The following JAK2 variants were observed in gnomAD, a reference collection of about 807,000 sequenced individuals.
The protein encoded by JAK2 is tyrosine-protein kinase JAK2.
Under a neutral mutation model 139.3 loss-of-function variants are expected in JAK2, and 86 were observed. The ratio of observed to expected loss-of-function variants is 0.62; its 90% CI spans 0.52 to 0.74. JAK2 has a LOEUF of 0.74. JAK2 is among the 30% of genes least tolerant of loss of function. The probability of loss-of-function intolerance (pLI) is 0.00; values close to 1 mark genes in which losing one functional copy is unlikely to be tolerated. For synonymous variants in JAK2, 490 were observed against 437.7 expected, an observed-to-expected ratio of 1.12 and a Z score of -1.49; for missense variants, 1,421 against 1,360.3, an observed-to-expected ratio of 1.04 and a Z score of -0.70.
intron 19 of JAK2, chr9:5,085,495 G>T: frequency 1.4e-6 from 1 of 720,190 alleles, no homozygotes; most frequent in South Asian, 1.4e-5. Context: ...ATTTTCTTTT[G>T]ACCCGAGCTG....
chr9:5,053,103 A>G (rs1817535274), intron 6 of JAK2, among the ~76,000 whole-genome samples: 1 of 152,090 alleles, frequency 6.6e-6, no homozygotes, highest in African/African-American at 2.4e-5. Flanking sequence ...CATTACATTC[A>G]CACTAGCAGT....
At chr9:5,100,143 A>C (rs923815669) in intron 22 of JAK2, 1 of 152,188 alleles carries the variant, frequency 6.6e-6, no homozygotes, top group Non-Finnish European at 1.5e-5. Flanking sequence ...TTATTATTCT[A>C]ATCCTACTGA....
At chr9:5,016,829 G>A (rs1316519469) in intron 2 of JAK2, among the ~76,000 whole-genome samples, 1 of 152,180 alleles carries the variant, frequency 6.6e-6, no homozygotes, top group African/African-American at 2.4e-5. Context: ...GGATATGGAA[G>A]TGAGCTTGAG....
chr9:5,054,514 C>G lies in JAK2; in HGVS notation c.615-49C>G. 2.8e-6 allele frequency: 4 copies of G among 1,424,788 alleles called. No individual in the cohort carries two copies. The highest frequency in any genetic ancestry group is 3.8e-6 in the Non-Finnish European group (4 of 1,049,442). The allele number at this position is 1,424,788 out of a possible 1,614,324, so 88.3% of individuals were successfully genotyped here. On this transcript the variant is annotated intron_variant, in intron 6 of 24. Transcript: ENST00000381652. This position sits in a 1 kb window ranked among gnomAD's most constrained non-coding sequence, Gnocchi z 4.9. Reference sequence around the variant, plus strand: ...CTTTTTCAATTTTTAGATTTATCTTCCAATTTTTGTTTTGTTTTGTTTTTC... The same window carrying G: ...CTTTTTCAATTTTTAGATTTATCTTGCAATTTTTGTTTTGTTTTGTTTTTC...
In JAK2 at chr9:5,129,606, GT is replaced by G. The variant is rs796808318; in HGVS notation, c.*2819del. Among the ~76,000 whole-genome samples the G allele has an allele frequency of 1.3e-5, 2 of 151,986 alleles. No individual in the cohort carries two copies. The highest frequency in any genetic ancestry group is 4.8e-5 in the African/African-American group (2 of 41,398). On this transcript the variant is annotated 3_prime_UTR_variant, in exon 25 of 25. Coordinates refer to ENST00000381652, the MANE Select transcript of JAK2 (RefSeq NM_004972.4). The stretch of plus-strand genomic sequence containing the variant: ...CAGGATTATCCAAACAAAAGACTAG[GT>G]TTTATGAGATAAGCTTGATTTAAGA...
intron 19 of JAK2, among the ~76,000 whole-genome samples, chr9:5,086,487 CCAT>C (rs1485418469): frequency 1.3e-5 from 2 of 152,104 alleles, no homozygotes; most frequent in Non-Finnish European, 2.9e-5. Context: ...TCCTCTCTTC[CCAT>C]CATTAGCTAA....
intron 2 of JAK2, among the ~76,000 whole-genome samples, chr9:5,002,136 TTTGA>T (rs1406156547): frequency 6.6e-6 from 1 of 151,790 alleles, no homozygotes; most frequent in Non-Finnish European, 1.5e-5. Flanking sequence ...AAAGTTTTGG[TTTGA>T]TTGATTTTCT....
At chr9:5,074,915 A>G (rs76884370) in intron 14 of JAK2, among the ~76,000 whole-genome samples, 3 of 152,174 alleles carry the variant, frequency 2.0e-5, no homozygotes, top group African/African-American at 7.2e-5. Context: ...TTATGAATCC[A>G]AAGGAAAAGT....
intron 13 of JAK2, 49 bp downstream of exon 13, chr9:5,072,675 G>T: frequency 7.0e-7 from 1 of 1,433,848 alleles, no homozygotes; most frequent in Non-Finnish European, 9.4e-7. Context: ...GTTTAAAGAT[G>T]TGCTCTCATA....
intron 2 of JAK2, among the ~76,000 whole-genome samples, chr9:4,991,863 A>G (rs1820274942): frequency 6.6e-6 from 1 of 152,118 alleles, no homozygotes. Flanking sequence ...CAAGGGCTTT[A>G]CCATTATATT....
intron 4 of JAK2, among the ~76,000 whole-genome samples, chr9:5,039,503 T>A (rs1816326759): frequency 6.6e-6 from 1 of 152,118 alleles, no homozygotes; most frequent in Admixed American, 6.5e-5. Context: ...TTTTGGTATG[T>A]GTGGGAGGTT....
intron 22 of JAK2, among the ~76,000 whole-genome samples, chr9:5,118,673 A>G (rs908072723): frequency 4.6e-5 from 7 of 152,176 alleles, no homozygotes; most frequent in Non-Finnish European, 8.8e-5. Flanking sequence ...ACGCTGAGAA[A>G]ACTTGTTTGT....
intron 22 of JAK2, chr9:5,112,779 G>A: frequency 1.7e-6 from 1 of 583,830 alleles, no homozygotes; most frequent in Non-Finnish European, 2.7e-6. Context: ...GTGTTCGGAG[G>A]CCCCCAGATG....
chr9:5,087,049 A>G (rs1820175619), intron 19 of JAK2, among the ~76,000 whole-genome samples: 1 of 152,250 alleles, frequency 6.6e-6, no homozygotes, highest in Non-Finnish European at 1.5e-5. Flanking sequence ...AAAATCAGAT[A>G]TAAATCTTTA....
intron 22 of JAK2, chr9:5,111,428 G>A (rs1360812486): frequency 7.0e-5 from 28 of 398,650 alleles, no homozygotes; most frequent in South Asian, 5.3e-4. Context: ...CACGAAGGTC[G>A]GGAAGGTCCC....
chr9:5,125,828 A>T (rs563135612), intron 23 of JAK2: 3 of 141,468 alleles, frequency 2.1e-5, no homozygotes, highest in African/African-American at 8.2e-5. Flanking sequence ...TATATTTGTA[A>T]TTTTTTTTCC....
At chr9:5,048,456 T>C (rs1000435514) in intron 5 of JAK2, among the ~76,000 whole-genome samples, 1 of 152,150 alleles carries the variant, frequency 6.6e-6, no homozygotes, top group African/African-American at 2.4e-5. Flanking sequence ...ACTAGTTCTA[T>C]AGGGAACCAA....
intron 8 of JAK2, among the ~76,000 whole-genome samples, chr9:5,059,946 G>T (rs146409470): frequency 0.012 from 1,799 of 152,166 alleles, 19 homozygotes; most frequent in Non-Finnish European, 0.019. Context: ...TCTTTTGTAG[G>T]ATGTTTGTAA....
At chr9:5,105,854 A>G (rs1417261950) in intron 22 of JAK2, among the ~76,000 whole-genome samples, 1 of 152,256 alleles carries the variant, frequency 6.6e-6, no homozygotes, top group Non-Finnish European at 1.5e-5. Context: ...AAAACTGGCT[A>G]GCCATATGTA....
Sources: allele counts gnomAD v4.1 joint callset (sites outside exome capture counted in the v4.1 genomes callset), GRCh38; gene constraint gnomAD v4.1.1; non-coding constraint Gnocchi (gnomAD v3.1); transcripts MANE v1.5; gene names NCBI Gene and HGNC (gene_info 2026-07-23, HGNC 2026-07-21).